The following ADAMTSL3 variants were observed in gnomAD, a reference collection of about 807,000 sequenced individuals.
ADAMTSL3 encodes ADAMTS-like protein 3.
Under a neutral mutation model 201.7 loss-of-function variants are expected in ADAMTSL3, and 128 were observed. The ratio of observed to expected loss-of-function variants is 0.63; its 90% CI spans 0.55 to 0.73. The LOEUF (loss-of-function observed/expected upper bound fraction) is 0.73. Ranked by LOEUF, ADAMTSL3 falls within the 30% of genes least tolerant of loss-of-function variation. ADAMTSL3 has a pLI of 0.00. For missense variants in ADAMTSL3, 1,990 were observed against 2,119.6 expected, an observed-to-expected ratio of 0.94 and a Z score of 1.20; for synonymous variants, 738 against 748.4, an observed-to-expected ratio of 0.99 and a Z score of 0.23.
intron 5 of ADAMTSL3, among the ~76,000 whole-genome samples, chr15:83,817,772 G>A (rs751699346): frequency 1.2e-4 from 19 of 152,136 alleles, no homozygotes; most frequent in African/African-American, 1.9e-4. Context: ...CAAGCTGGGC[G>A]CGGTGGCTCA....
chr15:83,977,979 T>A (rs1002386828), intron 20 of ADAMTSL3, among the ~76,000 whole-genome samples: 1 of 152,230 alleles, frequency 6.6e-6, no homozygotes, highest in African/African-American at 2.4e-5. Flanking sequence ...CAAATGAGCT[T>A]CTCAGATCTT....
rs973192169 is a variant in ADAMTSL3 at position 83,972,873 on chromosome 15, A to C, written c.2644+2236A>C. Among the ~76,000 whole-genome samples, 3 of 152,228 alleles carry C rather than the reference A, an allele frequency of 2.0e-5. No individual in the cohort carries two copies. The East Asian group carries it at 5.8e-4, about 29-fold the overall frequency. ...TTCTGCTTCTACACTTTCACATAGC[A>C]TCCTCTTCACCACCATATGACAGAG... On this transcript the variant is annotated intron_variant, in intron 20 of 29. Coordinates refer to ENST00000286744, the MANE Select transcript of ADAMTSL3 (RefSeq NM_207517.3).
intron 2 of ADAMTSL3, among the ~76,000 whole-genome samples, chr15:83,688,666 A>G (rs1003545202): frequency 2.0e-5 from 3 of 151,856 alleles, no homozygotes; most frequent in African/African-American, 2.4e-5. Context: ...TTATTTATCT[A>G]TTGAGCTGAA....
In ADAMTSL3 at chr15:84,039,107, T is replaced by C. The variant is rs1567319669; in HGVS notation, c.*1301T>C. On this transcript the variant is annotated 3_prime_UTR_variant, in exon 30 of 30. Transcript: ENST00000286744. Reference sequence around the variant, plus strand: ...CTGAAGCTGATTTGGTTATGGGGTCTTTCCCCTGTATACTACCAGTTGTGT... The same window carrying C: ...CTGAAGCTGATTTGGTTATGGGGTCCTTCCCCTGTATACTACCAGTTGTGT... 6.6e-6 allele frequency: 1 copy of C among 152,450 alleles called. No homozygotes were observed. The highest frequency in any genetic ancestry group is 1.5e-5 in the Non-Finnish European group (1 of 68,054). The allele number at this position is 152,450 out of a possible 1,614,324, so 9.4% of individuals were successfully genotyped here.
intron 3 of ADAMTSL3, among the ~76,000 whole-genome samples, chr15:83,735,431 G>C (rs59198904): frequency 0.017 from 2,602 of 152,234 alleles, 74 homozygotes; most frequent in African/African-American, 0.056. Context: ...TAAGAAAGTA[G>C]CCTTAGCCCA....
intron 23 of ADAMTSL3, among the ~76,000 whole-genome samples, chr15:83,994,580 T>G: frequency 7.4e-6 from 1 of 135,100 alleles, no homozygotes; most frequent in Non-Finnish European, 1.5e-5. Flanking sequence ...GTTTTTTTGT[T>G]TTTTCGTTTT....
chr15:83,974,563 AC>A (rs2067249895), intron 20 of ADAMTSL3, among the ~76,000 whole-genome samples: 1 of 152,188 alleles, frequency 6.6e-6, no homozygotes, highest in Non-Finnish European at 1.5e-5. Flanking sequence ...GGGTAGGTAC[AC>A]AGCACCTCTG....
chr15:83,872,259 C>T (rs759349089), intron 9 of ADAMTSL3, among the ~76,000 whole-genome samples: 4 of 151,824 alleles, frequency 2.6e-5, no homozygotes, highest in Non-Finnish European at 5.9e-5. Context: ...AACTGAGGAA[C>T]AGCTGCCTTC....
chr15:83,715,842 C>T (rs764796655), intron 3 of ADAMTSL3, among the ~76,000 whole-genome samples: 4 of 152,150 alleles, frequency 2.6e-5, no homozygotes, highest in Non-Finnish European at 5.9e-5. Context: ...CCATGCCTTT[C>T]CTGTTCTGAT....
In ADAMTSL3 at chr15:83,722,830, T is replaced by C. The variant is rs74024550; in HGVS notation, c.189+18322T>C. ...GTTGGTTAATTTAGAAAAAGTTAAT[T>C]TAAATTGTTAACATATGTAATAGTA... On this transcript the variant is annotated intron_variant, in intron 3 of 29. Transcript: ENST00000286744. Among the ~76,000 whole-genome samples the C allele has an allele frequency of 3.3e-3, 497 of 152,172 alleles. 4 individuals carry two copies. The highest frequency in any genetic ancestry group is 0.011 in the African/African-American group (466 of 41,554).
At chr15:83,932,652 G>A (rs552133010) in intron 17 of ADAMTSL3, among the ~76,000 whole-genome samples, 190 of 152,302 alleles carry the variant, frequency 1.2e-3, no homozygotes, top group African/African-American at 4.4e-3. Context: ...AGCCCTTTAT[G>A]TAGGAGTAGG....
chr15:83,656,344 A>G (rs1480360592), intron 2 of ADAMTSL3, among the ~76,000 whole-genome samples: 1 of 152,222 alleles, frequency 6.6e-6, no homozygotes, highest in African/African-American at 2.4e-5. Context: ...TATTTGCCTA[A>G]AGGACAGACT....
chr15:83,979,466 C>G (rs1408894630), intron 20 of ADAMTSL3, among the ~76,000 whole-genome samples: 1 of 152,144 alleles, frequency 6.6e-6, no homozygotes, highest in Non-Finnish European at 1.5e-5. Context: ...TCATAACATG[C>G]AATCCAATTA....
intron 9 of ADAMTSL3, among the ~76,000 whole-genome samples, chr15:83,872,625 C>CAG (rs1035235923): frequency 5.8e-5 from 5 of 86,870 alleles, no homozygotes; most frequent in East Asian, 3.3e-4. Flanking sequence ...CACACACACA[C>CAG]ACAGAGTTTT....
At chr15:83,957,612 G>A (rs1032183663) in intron 19 of ADAMTSL3, among the ~76,000 whole-genome samples, 11 of 152,186 alleles carry the variant, frequency 7.2e-5, no homozygotes, top group African/African-American at 2.6e-4. Context: ...AAAGAGGAGT[G>A]TTTTGTATTT....
chr15:83,719,064 A>G (rs761025730), intron 3 of ADAMTSL3, among the ~76,000 whole-genome samples: 77 of 152,222 alleles, frequency 5.1e-4, no homozygotes, highest in Admixed American at 9.2e-4. Flanking sequence ...ATAAAGTCGC[A>G]AAAAGGGAGA....
chr15:83,721,490 A>G (rs1031900462), intron 3 of ADAMTSL3, among the ~76,000 whole-genome samples: 1 of 152,196 alleles, frequency 6.6e-6, no homozygotes. Context: ...TGAACAAAGT[A>G]TCTTTCCTGG....
At position 83,817,871 on chromosome 15, in the gene ADAMTSL3, C is replaced by G. The variant is rs1408185968; in HGVS notation, c.364-1940C>G. Among the ~76,000 whole-genome samples, 14 of 152,140 alleles carry G rather than the reference C, an allele frequency of 9.2e-5. No individual in the cohort carries two copies. In the East Asian group the frequency reaches 2.7e-3, roughly 29 times the overall value. On this transcript the variant is annotated intron_variant, in intron 5 of 29. Coordinates refer to ENST00000286744, the MANE Select transcript of ADAMTSL3 (RefSeq NM_207517.3). ...GACCAGCCTGGCCAACATGGTGAAA[C>G]CCCATCTCTAATAAAAATACAAAAA...
intron 8 of ADAMTSL3, among the ~76,000 whole-genome samples, chr15:83,860,396 C>T (rs908228758): frequency 6.6e-6 from 1 of 152,190 alleles, no homozygotes; most frequent in African/African-American, 2.4e-5. Flanking sequence ...TGAAGGCTGA[C>T]ACTGTTTTCC....
Sources: gnomAD v4.1 joint callset for allele counts (sites outside exome capture counted in the v4.1 genomes callset) on GRCh38, gnomAD v4.1.1 for gene constraint, MANE v1.5 for transcripts, NCBI Gene and HGNC (gene_info 2026-07-23, HGNC 2026-07-21) for gene names.